The following CEP128 variants were observed in gnomAD, a reference collection of about 807,000 sequenced individuals.
The protein encoded by CEP128 is centrosomal protein 128kDa.
Under a neutral mutation model 156.7 loss-of-function variants are expected in CEP128, and 132 were observed. That is an observed-to-expected ratio of 0.84 (90% confidence interval 0.73 to 0.97). The LOEUF (loss-of-function observed/expected upper bound fraction) is 0.97, where lower values mean the gene tolerates loss of function less well. Among genes scored for constraint, CEP128 ranks in the 50% least tolerant of loss-of-function variants. The pLI is 0.00. For missense variants in CEP128, 1,252 were observed against 1,281.9 expected (o/e 0.98, Z 0.36); for synonymous variants, 469 against 448.9 (o/e 1.04, Z -0.57).
chr14:80,819,479 A>C (rs1331281885), intron 13 of CEP128, among the ~76,000 whole-genome samples: 1 of 151,794 alleles, frequency 6.6e-6, no homozygotes, highest in Non-Finnish European at 1.5e-5. Context: ...ATCTCCTGAC[A>C]TTGTGATCCG....
At chr14:80,548,720 G>A (rs1219963052) in intron 21 of CEP128, among the ~76,000 whole-genome samples, 1 of 152,178 alleles carries the variant, frequency 6.6e-6, no homozygotes, top group East Asian at 1.9e-4. Flanking sequence ...AAGGAAGTTA[G>A]AAAGGCAGTA....
At chr14:80,624,172 A>G (rs1595107240) in intron 19 of CEP128, among the ~76,000 whole-genome samples, 1 of 152,178 alleles carries the variant, frequency 6.6e-6, no homozygotes, top group Admixed American at 6.5e-5. Flanking sequence ...GAGAACACGC[A>G]GTCTTTATCT....
chr14:80,945,176 G>T (rs1886309872), upstream of CEP128, among the ~76,000 whole-genome samples: 1 of 152,150 alleles, frequency 6.6e-6, no homozygotes, highest in South Asian at 2.1e-4. Flanking sequence ...TCTTTGGCTT[G>T]CAGAGATCCA....
chr14:80,676,339 T>TA (rs766291818), intron 19 of CEP128, among the ~76,000 whole-genome samples: 62 of 152,236 alleles, frequency 4.1e-4, no homozygotes, highest in Admixed American at 1.8e-3. Flanking sequence ...TCTTTAAACT[T>TA]ACGTTTCCTA....
chr14:80,922,421 T>C (rs1884916815), intron 2 of CEP128, among the ~76,000 whole-genome samples: 1 of 152,240 alleles, frequency 6.6e-6, no homozygotes, highest in Admixed American at 6.5e-5. Flanking sequence ...TTTAATTGTA[T>C]ATTATTTTCG....
At chr14:80,529,933 A>G (rs930996086) in intron 22 of CEP128, among the ~76,000 whole-genome samples, 1 of 152,148 alleles carries the variant, frequency 6.6e-6, no homozygotes, top group African/African-American at 2.4e-5. Flanking sequence ...CTTGGGAACC[A>G]CATTATATCA....
chr14:80,491,649 C>T (rs1349497518), downstream of CEP128, among the ~76,000 whole-genome samples: 1 of 152,228 alleles, frequency 6.6e-6, no homozygotes, highest in South Asian at 2.1e-4. Context: ...GACAGACAAG[C>T]ACAGGGCACC....
At chr14:80,953,974 AAAC>A (rs1213009069) in intron 2 of CEP128, among the ~76,000 whole-genome samples, 1 of 152,180 alleles carries the variant, frequency 6.6e-6, no homozygotes, top group East Asian at 1.9e-4. Flanking sequence ...ATTTTTAAAA[AAAC>A]AACAACAAAA....
At chr14:80,795,021 C>T (rs938510326) in intron 13 of CEP128, among the ~76,000 whole-genome samples, 1 of 152,182 alleles carries the variant, frequency 6.6e-6, no homozygotes, top group Non-Finnish European at 1.5e-5. Context: ...ATATTATCCC[C>T]ATTTCAGTGA....
chr14:80,855,327 C>A (rs1887093751), intron 9 of CEP128, among the ~76,000 whole-genome samples: 1 of 152,092 alleles, frequency 6.6e-6, no homozygotes, highest in African/African-American at 2.4e-5. Flanking sequence ...AAATAAAGTA[C>A]ATCCTCTGAG....
At chr14:80,658,516 C>A (rs1341620893) in intron 19 of CEP128, among the ~76,000 whole-genome samples, 1 of 152,218 alleles carries the variant, frequency 6.6e-6, no homozygotes, top group South Asian at 2.1e-4. Flanking sequence ...CACTTGGACC[C>A]CAGCAGCTTA....
intron 21 of CEP128, among the ~76,000 whole-genome samples, chr14:80,538,518 T>C (rs532363998): frequency 6.6e-6 from 1 of 152,230 alleles, no homozygotes; most frequent in African/African-American, 2.4e-5. Context: ...CTCACCCGTA[T>C]ACCCACCACC....
chr14:80,697,167 A>G (rs1038337288), intron 19 of CEP128, among the ~76,000 whole-genome samples: 11 of 152,146 alleles, frequency 7.2e-5, no homozygotes, highest in Admixed American at 2.0e-4. Flanking sequence ...AGAAATTAAA[A>G]AAAAAGTTTT....
intron 19 of CEP128, among the ~76,000 whole-genome samples, chr14:80,734,449 T>TATCCA (rs1367125676): frequency 3.3e-5 from 5 of 152,012 alleles, no homozygotes; most frequent in Non-Finnish European, 5.9e-5. Flanking sequence ...TTTTTTAGGC[T>TATCCA]GGATGATAGT....
chr14:80,650,527 C>T (rs962086341), intron 19 of CEP128, among the ~76,000 whole-genome samples: 3 of 152,228 alleles, frequency 2.0e-5, no homozygotes, highest in East Asian at 3.9e-4. Flanking sequence ...CAGTTTTTGC[C>T]CATTCAGTAC....
At chr14:80,689,592 T>G (rs1402434904) in intron 19 of CEP128, among the ~76,000 whole-genome samples, 1 of 152,212 alleles carries the variant, frequency 6.6e-6, no homozygotes, top group Non-Finnish European at 1.5e-5. Flanking sequence ...CTTGAAAATA[T>G]GCTGAATATG....
chr14:80,904,758 T>C (rs1207662039), intron 6 of CEP128, 55 bp downstream of exon 6: 11 of 973,174 alleles, frequency 1.1e-5, no homozygotes, highest in Non-Finnish European at 1.8e-5. Flanking sequence ...GTCATTTATA[T>C]ACAATAGAAG....
intron 24 of CEP128, among the ~76,000 whole-genome samples, chr14:80,499,945 G>A (rs931339060): frequency 2.0e-4 from 30 of 152,136 alleles, no homozygotes; most frequent in Non-Finnish European, 3.8e-4. Context: ...CCTGACTCAC[G>A]GCCATAACTT....
chr14:80,842,929 T>G (rs1419370832), intron 9 of CEP128, among the ~76,000 whole-genome samples: 1 of 151,992 alleles, frequency 6.6e-6, no homozygotes, highest in Admixed American at 6.6e-5. Context: ...GGGGCACATT[T>G]AAATCTTTAA....
Sources: gnomAD v4.1 joint callset for allele counts (sites outside exome capture counted in the v4.1 genomes callset) on GRCh38, gnomAD v4.1.1 for gene constraint, MANE v1.5 for transcripts, NCBI Gene and HGNC (gene_info 2026-07-23, HGNC 2026-07-21) for gene names.